The following CNTNAP5 variants were observed in gnomAD, a reference collection of about 807,000 sequenced individuals.
The protein encoded by CNTNAP5 is contactin associated protein family member 5.
Under a neutral mutation model 150.2 loss-of-function variants are expected in CNTNAP5, and 72 were observed. The observed-to-expected ratio is 0.48, with a 90% CI of 0.40 to 0.58. The LOEUF is 0.58. Ranked by LOEUF, CNTNAP5 falls within the 20% of genes least tolerant of loss-of-function variation. The pLI is 0.00. For missense variants in CNTNAP5, 1,636 were observed against 1,626.2 expected, an observed-to-expected ratio of 1.01 and a Z score of -0.10; for synonymous variants, 672 against 619.8, an observed-to-expected ratio of 1.08 and a Z score of -1.25.
At position 124,123,344 on chromosome 2, in the gene CNTNAP5, C is replaced by T. The variant is rs187970078; in HGVS notation, c.82+97612C>T. Among the ~76,000 whole-genome samples, 868 of 152,212 alleles carry T rather than the reference C, an allele frequency of 5.7e-3. 7 individuals carry two copies. Among genetic ancestry groups the T allele is most frequent in the South Asian group, 0.03 (145 of 4,824 alleles). The stretch of plus-strand genomic sequence containing the variant: ...AGATCGAACTGCAAAAAGGTGGCAG[C>T]GAGGCTGGGGGAGGGGCGTCCACCA... On this transcript the variant is annotated intron_variant, in intron 1 of 23. Coordinates refer to ENST00000682447, the MANE Select transcript of CNTNAP5 (RefSeq NM_001367498.1).
rs572519007 is a variant in CNTNAP5, at chr2:124,708,637, G to C, written c.2078-38592G>C. Among the ~76,000 whole-genome samples, 3 of 152,274 alleles carry C rather than the reference G, an allele frequency of 2.0e-5. No homozygotes were observed. In the South Asian group the frequency reaches 6.2e-4, roughly 32 times the overall value. On this transcript the variant is annotated intron_variant, in intron 13 of 23. Transcript: ENST00000682447. ...CAGACATTGGCATTTATGTGTCTTT[G>C]CTGGAGCTGCAGTTCTGGAATTCCA...
chr2:124,583,631 A>G lies in CNTNAP5; in HGVS notation c.1756+20308A>G, dbSNP rs1696463189. Among the ~76,000 whole-genome samples the G allele has an allele frequency of 1.3e-5, 2 of 152,192 alleles. 1 individual carries two copies. Among genetic ancestry groups the G allele is most frequent in the South Asian group, 4.1e-4 (2 of 4,832 alleles). On this transcript the variant is annotated intron_variant, in intron 11 of 23. Coordinates refer to ENST00000682447, the MANE Select transcript of CNTNAP5 (RefSeq NM_001367498.1). ...TTTCCTTTCCTGTATATTTCGACTTAGGGGAAAACCACAGGAAAGATACTT... is the reference window on the plus strand; with the variant it reads ...TTTCCTTTCCTGTATATTTCGACTTGGGGGAAAACCACAGGAAAGATACTT...
chr2:124,552,416 A>G (rs550306574), intron 10 of CNTNAP5, among the ~76,000 whole-genome samples: 34 of 152,278 alleles, frequency 2.2e-4, no homozygotes, highest in Admixed American at 1.5e-3. Context: ...GCAATGATAC[A>G]TGTCCAGTGC....
At chr2:124,270,541 G>C (rs778533002) in intron 3 of CNTNAP5, among the ~76,000 whole-genome samples, 1 of 152,148 alleles carries the variant, frequency 6.6e-6, no homozygotes, top group Non-Finnish European at 1.5e-5. Context: ...TTTGGAGACG[G>C]GCCAGGGTCA....
At chr2:124,382,060 A>G (rs768901787) in intron 3 of CNTNAP5, among the ~76,000 whole-genome samples, 5 of 152,316 alleles carry the variant, frequency 3.3e-5, no homozygotes, top group Non-Finnish European at 5.9e-5. Context: ...TGTGAGATGT[A>G]TTAAGGCATA....
chr2:124,618,856 G>A (rs780901064), intron 12 of CNTNAP5, among the ~76,000 whole-genome samples: 22 of 152,102 alleles, frequency 1.4e-4, no homozygotes, highest in Non-Finnish European at 2.6e-4. Flanking sequence ...CCAAATAAAT[G>A]AAGCGTAGAC....
intron 10 of CNTNAP5, among the ~76,000 whole-genome samples, chr2:124,559,803 C>G (rs747437822): frequency 2.6e-5 from 4 of 152,164 alleles, no homozygotes; most frequent in Non-Finnish European, 5.9e-5. Context: ...AAATTGGTGT[C>G]ATGTGTCTTT....
At chr2:124,233,779 G>T (rs1183103503) in intron 2 of CNTNAP5, among the ~76,000 whole-genome samples, 1 of 129,686 alleles carries the variant, frequency 7.7e-6, no homozygotes, top group Middle Eastern at 3.4e-3. Flanking sequence ...TGTGATGCCT[G>T]TGAGTTTATA....
chr2:124,524,531 CT>C (rs1416887122), intron 9 of CNTNAP5, 79 bp downstream of exon 9: 1 of 1,380,994 alleles, frequency 7.2e-7, no homozygotes, highest in East Asian at 2.5e-5. Context: ...TATGATGGTT[CT>C]GGTTTGGTCA....
At chr2:124,508,058 A>T (rs1336203133) in intron 8 of CNTNAP5, among the ~76,000 whole-genome samples, 4 of 151,518 alleles carry the variant, frequency 2.6e-5, no homozygotes. Context: ...ATTATCCAGG[A>T]TCATCTTAGA....
chr2:124,715,019 A>C (rs1359352342), intron 13 of CNTNAP5, among the ~76,000 whole-genome samples: 1 of 152,218 alleles, frequency 6.6e-6, no homozygotes, highest in East Asian at 1.9e-4. Flanking sequence ...CAGGACTACC[A>C]TGAATAAGAA....
intron 3 of CNTNAP5, among the ~76,000 whole-genome samples, chr2:124,329,349 G>T (rs983110156): frequency 6.6e-6 from 1 of 152,132 alleles, no homozygotes; most frequent in Admixed American, 6.5e-5. Context: ...GCAATTTTAA[G>T]ACTTGCATTT....
chr2:124,450,660 G>T (rs1425168518), intron 6 of CNTNAP5, among the ~76,000 whole-genome samples: 4 of 150,504 alleles, frequency 2.7e-5, no homozygotes, highest in Non-Finnish European at 4.4e-5. Flanking sequence ...TTCTCCAAAC[G>T]CTGCGAGAAG....
rs771658776 is a variant in CNTNAP5 at position 124,647,887 on chromosome 2, T to C, written c.2006T>C (p.Ile669Thr). ...GGSMEQLEAV[I>T]DGSEHCEQEV... is the part of the protein sequence containing the mutation. Reference sequence around the variant, plus strand: ...AGCATGGAACAGCTGGAGGCCGTGATCGACGGCTCTGAGCACTGTGAGCAG... The same window carrying C: ...AGCATGGAACAGCTGGAGGCCGTGACCGACGGCTCTGAGCACTGTGAGCAG... Residue 669 changes from isoleucine to threonine, a missense_variant, in exon 13 of 24, where the codon ATC becomes ACC. Coordinates refer to ENST00000682447, the MANE Select transcript of CNTNAP5 (RefSeq NM_001367498.1). 123 of 1,612,220 alleles carry C rather than the reference T, an allele frequency of 7.6e-5. No homozygotes were observed. Among genetic ancestry groups the C allele is most frequent in the Non-Finnish European group, 9.8e-5 (116 of 1,179,326 alleles).
intron 1 of CNTNAP5, among the ~76,000 whole-genome samples, chr2:124,165,803 A>C (rs138883270): frequency 2.1e-3 from 320 of 152,194 alleles, no homozygotes; most frequent in African/African-American, 7.2e-3. Flanking sequence ...AAAAATCAGA[A>C]ATTTTCCACA....
intron 1 of CNTNAP5, among the ~76,000 whole-genome samples, chr2:124,190,482 C>T (rs1022342325): frequency 2.0e-5 from 3 of 152,246 alleles, no homozygotes; most frequent in Admixed American, 1.3e-4. Context: ...GCTTATTAGA[C>T]CAAGTCTCCC....
At chr2:124,827,069 C>A (rs1404417609) in intron 19 of CNTNAP5, among the ~76,000 whole-genome samples, 1 of 152,124 alleles carries the variant, frequency 6.6e-6, no homozygotes, top group Admixed American at 6.6e-5. Context: ...CACAGGCCTG[C>A]AACACCACAC....
At chr2:124,887,966 A>T (rs1678115043) in intron 21 of CNTNAP5, among the ~76,000 whole-genome samples, 1 of 151,996 alleles carries the variant, frequency 6.6e-6, no homozygotes, top group African/African-American at 2.4e-5. Context: ...TAATAATTTT[A>T]ACTTTTATAA....
At chr2:124,335,358 T>C (rs1689445914) in intron 3 of CNTNAP5, among the ~76,000 whole-genome samples, 2 of 151,876 alleles carry the variant, frequency 1.3e-5, no homozygotes, top group Non-Finnish European at 2.9e-5. Context: ...GTTTCCAGTC[T>C]TCTCAGACTG....
Sources: gnomAD v4.1 joint callset for allele counts (sites outside exome capture counted in the v4.1 genomes callset) on GRCh38, gnomAD v4.1.1 for gene constraint, MANE v1.5 for transcripts, NCBI Gene and HGNC (gene_info 2026-07-23, HGNC 2026-07-21) for gene names.